The following DNAH2 variants were observed in gnomAD, a reference collection of about 807,000 sequenced individuals.
DNAH2 encodes the protein axonemal beta dynein heavy chain 2.
A neutral mutation model predicts 523.5 loss-of-function variants in DNAH2; 323 were observed. The observed-to-expected ratio is 0.62, with a 90% confidence interval of 0.56 to 0.68. DNAH2 has a LOEUF of 0.68. Among genes scored for constraint, DNAH2 ranks in the 30% least tolerant of loss-of-function variants. The probability of loss-of-function intolerance (pLI) is 0.00; values close to 1 mark genes in which losing one functional copy is unlikely to be tolerated. For missense variants in DNAH2, 4,907 were observed against 5,701.5 expected (o/e 0.86, Z 4.49); for synonymous variants, 2,093 against 2,177.4 (o/e 0.96, Z 1.08).
At chr17:7,741,294 CTTCCTTCCT>C (rs2075327200) in intron 11 of DNAH2, among the ~76,000 whole-genome samples, 1 of 51,202 alleles carries the variant, frequency 2.0e-5, no homozygotes, top group African/African-American at 1.1e-4. Context: ...TTCTTTCTTT[CTTCCTTCCT>C]TCCCTCCCTC....
At position 7,818,233 on chromosome 17, in the gene DNAH2, C is replaced by A. The variant is rs1597760286; in HGVS notation, c.10388-79C>A. ...GGCCTTAGGACAGGCTGAGTCGCTG[C>A]CCCTGGATGCCGGTGGGGGATGGGT... is the stretch of plus-strand genomic sequence containing the variant. On this transcript the variant is annotated intron_variant, in intron 68 of 85. Transcript: ENST00000572933. 3 of 1,597,832 alleles carry A rather than the reference C, an allele frequency of 1.9e-6. No individual in the cohort carries two copies. In the East Asian group the frequency reaches 6.7e-5, roughly 36 times the overall value.
intron 13 of DNAH2, 35 bp from the exon 14 acceptor site, chr17:7,758,460 G>A (rs746959478): frequency 1.3e-6 from 2 of 1,597,006 alleles, no homozygotes; most frequent in Non-Finnish European, 1.7e-6. Flanking sequence ...TTCAGGGCTT[G>A]TCCCCTCTGG....
At chr17:7,740,698 C>T in intron 10 of DNAH2, 112 bp from the exon 11 acceptor site, 1 of 1,527,556 alleles carries the variant, frequency 6.5e-7, no homozygotes, top group South Asian at 1.3e-5. Flanking sequence ...CTGGCTTCGG[C>T]GTCCCCGGGA....
chr17:7,746,576 C>T (rs1157461290), intron 12 of DNAH2, among the ~76,000 whole-genome samples: 1 of 152,140 alleles, frequency 6.6e-6, no homozygotes, highest in Non-Finnish European at 1.5e-5. Flanking sequence ...ACTTCCTCCC[C>T]ACCCTCCATT....
At chr17:7,766,591 AGCTT>A (rs2076174002) in intron 22 of DNAH2, 110 bp downstream of exon 22, 1 of 1,036,742 alleles carries the variant, frequency 9.6e-7, no homozygotes, top group Non-Finnish European at 1.3e-6. Flanking sequence ...GCTCACAAGG[AGCTT>A]TTGTTTGTTT....
At chr17:7,723,184 A>G (rs1307758969) in intron 2 of DNAH2, among the ~76,000 whole-genome samples, 1 of 141,872 alleles carries the variant, frequency 7.0e-6, no homozygotes, top group Non-Finnish European at 1.5e-5. Context: ...ATTAGTCAGG[A>G]TGGTCTTGAT....
chr17:7,797,413 C>T lies in DNAH2; in HGVS notation c.7963C>T (p.Arg2655Trp), dbSNP rs201837780. ...CCCTGCCCACAGAGTCTTCTCTGAC[C>T]GGCTGGTTGATGCGGCAGACACAGA... ...IHECFRVFSD[R>W]LVDAADTEAF... Residue 2655 changes from arginine (R) to tryptophan (W), a missense_variant, in exon 52 of 86, where the codon CGG becomes TGG. Physicochemically the swap from Arg to Trp is moderately radical, Grantham distance 101. Transcript: ENST00000572933. The T allele has an allele frequency of 6.8e-5, 109 of 1,614,004 alleles. No individual in the cohort carries two copies. Among genetic ancestry groups the T allele is most frequent in the Non-Finnish European group, 8.6e-5 (102 of 1,180,040 alleles).
At chr17:7,791,819 G>A in intron 44 of DNAH2, 98 bp from the exon 45 acceptor site, 1 of 1,191,920 alleles carries the variant, frequency 8.4e-7, no homozygotes, top group South Asian at 1.6e-5. Context: ...AGGGAAGGAG[G>A]AAGACCCAGG....
At position 7,777,002 on chromosome 17, in the gene DNAH2, G is replaced by A. The variant is rs563788580; in HGVS notation, c.5058+113G>A. ...AGTTCGAGACCAGCCTGGGCAATAT[G>A]GCGAAACCCCTTCTTTACCAAAAAA... On this transcript the variant is annotated intron_variant, in intron 32 of 85. Transcript: ENST00000572933. 1.8e-4 allele frequency: 154 copies of A among 851,434 alleles called. 1 individual carries two copies. Among genetic ancestry groups the A allele is most frequent in the South Asian group, 1.8e-3 (113 of 64,120 alleles). 52.7% of individuals were successfully genotyped at this position (851,434 alleles called of 1,614,324 possible). A position where few individuals can be genotyped will look rare whatever the true frequency, so the allele number is the denominator to read the frequency against.
chr17:7,777,403 G>A lies in DNAH2; in HGVS notation c.5059-43G>A, dbSNP rs775438308. On this transcript the variant is annotated intron_variant, in intron 32 of 85. Transcript: ENST00000572933. ...GGCAAGGGTTGATCAGGCTTTGGCGGCATTGCTCTGTCTGCTCTCTTCCCT... is the reference window on the plus strand; with the variant it reads ...GGCAAGGGTTGATCAGGCTTTGGCGACATTGCTCTGTCTGCTCTCTTCCCT... 62 of 1,608,024 alleles carry A rather than the reference G, an allele frequency of 3.9e-5. No individual in the cohort carries two copies. The South Asian group carries it at 5.3e-4, about 14-fold the overall frequency.
intron 12 of DNAH2, among the ~76,000 whole-genome samples, chr17:7,751,757 C>A (rs2075688733): frequency 6.6e-6 from 1 of 152,020 alleles, no homozygotes; most frequent in Non-Finnish European, 1.5e-5. Flanking sequence ...GTTTTCCAGG[C>A]TATATTTAAT....
chr17:7,741,304 TC>T (rs2075332870), intron 11 of DNAH2, among the ~76,000 whole-genome samples: 1 of 53,912 alleles, frequency 1.9e-5, no homozygotes, highest in African/African-American at 8.9e-5. Context: ...CTTCCTTCCT[TC>T]CCTCCCTCCC....
Position 7,775,316 on chromosome 17 carries a change from T to C in DNAH2, c.4795T>C (p.Ser1599Pro), listed in dbSNP as rs1387444605. 6.2e-7 allele frequency: 1 copy of C among 1,612,642 alleles called. No individual in the cohort carries two copies. The highest frequency in any genetic ancestry group is 8.5e-7 in the Non-Finnish European group (1 of 1,179,474). ...GDGEYIDFLH[S>P]VFLEGPVESW... ...CGGCGAGTACATTGACTTCCTCCAC[T>C]CAGTATTTTTAGAAGGCCCTGTGGA... The change falls in exon 30 of 86, where the codon TCA becomes CCA. Residue 1599 changes from serine (S) to proline (P), a missense_variant. This residue lies in a region of DNAH2 where 2,806 missense variants were observed against 3,190.8 expected (regional missense o/e 0.88). Transcript: ENST00000572933.
At chr17:7,751,961 T>C (rs1384737027) in intron 12 of DNAH2, among the ~76,000 whole-genome samples, 1 of 147,120 alleles carries the variant, frequency 6.8e-6, no homozygotes, top group Non-Finnish European at 1.5e-5. Flanking sequence ...GTTTTGAGAC[T>C]GAGTCTTGTT....
chr17:7,764,310 T>C, intron 20 of DNAH2, 37 bp downstream of exon 20: 1 of 1,565,846 alleles, frequency 6.4e-7, no homozygotes, highest in Non-Finnish European at 8.7e-7. Context: ...CTGGGACCCG[T>C]ATCAGCAGCA....
chr17:7,830,234 G>T, intron 77 of DNAH2, 66 bp from the exon 78 acceptor site: 1 of 1,537,470 alleles, frequency 6.5e-7, no homozygotes, highest in South Asian at 1.2e-5. Flanking sequence ...AACTGTACAT[G>T]GCAGTGCTAG....
intron 4 of DNAH2, among the ~76,000 whole-genome samples, chr17:7,731,032 C>T (rs773377911): frequency 3.9e-5 from 6 of 152,068 alleles, no homozygotes; most frequent in African/African-American, 1.4e-4. Context: ...GCAGGAGAAT[C>T]GCTTGAACCA....
At chr17:7,787,804 T>C (rs2076781811) in intron 42 of DNAH2, 56 bp from the exon 43 acceptor site, 5 of 1,540,462 alleles carry the variant, frequency 3.2e-6, no homozygotes, top group African/African-American at 1.4e-5. Context: ...GTTTTATTAT[T>C]CCTGAAGGTG....
intron 52 of DNAH2, 41 bp from the exon 53 acceptor site, chr17:7,797,638 AC>A (rs2077103303): frequency 6.2e-7 from 1 of 1,613,894 alleles, no homozygotes; most frequent in East Asian, 2.2e-5. Context: ...GGGGAGGCAA[AC>A]CAGGCATTTG....
Sources: allele counts gnomAD v4.1 joint callset (sites outside exome capture counted in the v4.1 genomes callset), GRCh38; gene constraint gnomAD v4.1.1; regional missense constraint gnomAD v4.1.1; transcripts MANE v1.5; gene names NCBI Gene and HGNC (gene_info 2026-07-23, HGNC 2026-07-21).